The following LIFR variants were observed in gnomAD, a reference collection of about 807,000 sequenced individuals.
LIFR encodes LIF receptor subunit alpha.
LIFR carries 84 observed loss-of-function variants against 122.2 expected under a neutral mutation model. The ratio of observed to expected loss-of-function variants is 0.69; its 90% CI spans 0.58 to 0.82. The LOEUF (loss-of-function observed/expected upper bound fraction) is 0.82. Ranked by LOEUF, LIFR falls within the 40% of genes least tolerant of loss-of-function variation. The probability of loss-of-function intolerance (pLI) is 0.00; values close to 1 mark genes in which losing one functional copy is unlikely to be tolerated. For missense variants in LIFR, 1,294 were observed against 1,311.6 expected (o/e 0.99, Z 0.21); for synonymous variants, 422 against 434.7 (o/e 0.97, Z 0.36).
intron 1 of LIFR, among the ~76,000 whole-genome samples, chr5:38,571,428 G>T (rs1749204743): frequency 1.4e-5 from 2 of 148,080 alleles, no homozygotes. Flanking sequence ...CGTGGTGGGT[G>T]TCTGTAGTCC....
At chr5:38,583,561 G>C (rs1284430519) in intron 1 of LIFR, among the ~76,000 whole-genome samples, 1 of 152,182 alleles carries the variant, frequency 6.6e-6, no homozygotes, top group Admixed American at 6.5e-5. Flanking sequence ...TATCTGATAA[G>C]GGGTTAATAC....
intron 1 of LIFR, among the ~76,000 whole-genome samples, chr5:38,593,287 G>A (rs1156725724): frequency 6.6e-6 from 1 of 151,762 alleles, no homozygotes; most frequent in Admixed American, 6.6e-5. Flanking sequence ...GTATGAAACT[G>A]GGGGGGATGT....
chr5:38,486,956 A>G (rs545625687), intron 16 of LIFR, among the ~76,000 whole-genome samples: 1 of 152,262 alleles, frequency 6.6e-6, no homozygotes, highest in Admixed American at 6.5e-5. Context: ...TCCCATTGTT[A>G]TAACTGCTTT....
At chr5:38,549,667 C>T (rs1364305873) in intron 1 of LIFR, among the ~76,000 whole-genome samples, 2 of 152,036 alleles carry the variant, frequency 1.3e-5, no homozygotes, top group Non-Finnish European at 2.9e-5. Flanking sequence ...AGCGGGTGCC[C>T]ATAATCCCAG....
intron 7 of LIFR, 61 bp downstream of exon 7, chr5:38,510,403 G>T: frequency 2.7e-5 from 39 of 1,430,296 alleles, no homozygotes; most frequent in Non-Finnish European, 3.6e-5. Context: ...GAAGAATTAA[G>T]GCTTTCAAGG....
chr5:38,602,629 A>G (rs1418123421), intron 2 of LIFR, among the ~76,000 whole-genome samples: 1 of 152,176 alleles, frequency 6.6e-6, no homozygotes, highest in Non-Finnish European at 1.5e-5. Context: ...CTTCAAGGAC[A>G]GGGGCCTTAT....
At chr5:38,486,040 C>G (rs1744270992) in intron 16 of LIFR, 60 bp from the exon 17 acceptor site, 2 of 1,483,032 alleles carry the variant, frequency 1.3e-6, no homozygotes, top group Non-Finnish European at 1.9e-6. Flanking sequence ...TGCATGGTTA[C>G]CCACACCTGT....
intron 3 of LIFR, 105 bp downstream of exon 3, chr5:38,528,621 C>T: frequency 1.3e-6 from 1 of 775,296 alleles, no homozygotes; most frequent in East Asian, 2.7e-5. Context: ...ACACAGAACA[C>T]AAGCAGGAAA....
At chr5:38,552,268 A>C (rs1748245785) in intron 1 of LIFR, among the ~76,000 whole-genome samples, 1 of 152,256 alleles carries the variant, frequency 6.6e-6, no homozygotes, top group South Asian at 2.1e-4. Flanking sequence ...GGAGTCCAAA[A>C]GTCACAGGAG....
chr5:38,475,718 TA>T lies in LIFR; in HGVS notation c.*5876del, dbSNP rs1743694943. 2.1e-5 allele frequency: 4 copies of T among 188,062 alleles called. No homozygotes were observed. Among genetic ancestry groups the T allele is most frequent in the Non-Finnish European group, 4.5e-5 (4 of 89,116 alleles). The allele number at this position is 188,062 out of a possible 1,614,324, so 11.6% of individuals were successfully genotyped here. ...ATTCACTATAATGCAATTTTGAAAG[TA>T]AAAAAAGGTAATTTCCTAGTGTTAT... On this transcript the variant is annotated 3_prime_UTR_variant, in exon 20 of 20. Transcript: ENST00000453190.
intron 11 of LIFR, 125 bp downstream of exon 11, chr5:38,502,512 G>A: frequency 1.3e-6 from 1 of 766,676 alleles, no homozygotes; most frequent in Non-Finnish European, 2.3e-6. Context: ...GCCCACCTCG[G>A]CCTCCCAAAG....
chr5:38,499,787 A>G (rs1745081922), intron 11 of LIFR, among the ~76,000 whole-genome samples: 1 of 152,066 alleles, frequency 6.6e-6, no homozygotes, highest in Admixed American at 6.5e-5. Flanking sequence ...GTGAAAATCT[A>G]CCTGCAGGCC....
chr5:38,478,582 TAA>T lies in LIFR; in HGVS notation c.*3011_*3012del, dbSNP rs1216157959. On this transcript the variant is annotated 3_prime_UTR_variant, in exon 20 of 20. Coordinates refer to ENST00000453190, the MANE Select transcript of LIFR (RefSeq NM_001127671.2). Reference sequence around the variant, plus strand: ...GTTCATCTAATGTTAAAAGTCTAGCTAAGTCTTTAATAATTTAATATTAAATA... The same window carrying T: ...GTTCATCTAATGTTAAAAGTCTAGCTGTCTTTAATAATTTAATATTAAATA... 6 of 187,688 alleles carry T rather than the reference TAA, an allele frequency of 3.2e-5. No individual in the cohort carries two copies. Among genetic ancestry groups the T allele is most frequent in the African/African-American group, 1.2e-4 (5 of 42,756 alleles). 11.6% of individuals were successfully genotyped at this position (187,688 alleles called of 1,614,324 possible).
chr5:38,526,936 A>G (rs1411652948), intron 4 of LIFR, among the ~76,000 whole-genome samples: 1 of 152,138 alleles, frequency 6.6e-6, no homozygotes, highest in Non-Finnish European at 1.5e-5. Context: ...AAGAGTATGG[A>G]ACTGAGGGAA....
intron 1 of LIFR, among the ~76,000 whole-genome samples, chr5:38,567,496 G>GTATGTATTTATT (rs145746447): frequency 7.5e-6 from 1 of 132,882 alleles, no homozygotes; most frequent in Non-Finnish European, 1.6e-5. Context: ...TGACCATTCT[G>GTATGTATTTATT]TATTTATTTA....
intron 3 of LIFR, among the ~76,000 whole-genome samples, chr5:38,527,857 A>AT (rs1323506262): frequency 2.0e-5 from 3 of 152,122 alleles, no homozygotes; most frequent in Non-Finnish European, 4.4e-5. Context: ...GAGCATGCTT[A>AT]TATTCCTTAT....
At chr5:38,581,071 G>A (rs1401142780) in intron 1 of LIFR, among the ~76,000 whole-genome samples, 1 of 152,066 alleles carries the variant, frequency 6.6e-6, no homozygotes, top group Non-Finnish European at 1.5e-5. Flanking sequence ...TCTACCCCAG[G>A]GGGTGGTTGT....
intron 9 of LIFR, among the ~76,000 whole-genome samples, 164 bp downstream of exon 9, chr5:38,505,735 AAAACTT>A (rs1375170868): frequency 6.6e-6 from 1 of 152,182 alleles, no homozygotes; most frequent in African/African-American, 2.4e-5. Flanking sequence ...ATAAAATAGT[AAAACTT>A]GAAATTATAC....
chr5:38,524,732 T>C lies in LIFR; in HGVS notation c.398-1150A>G, dbSNP rs572491998. Among the ~76,000 whole-genome samples, 19 of 152,210 alleles carry C rather than the reference T, an allele frequency of 1.2e-4. No individual in the cohort carries two copies. In the East Asian group the frequency reaches 2.3e-3, roughly 19 times the overall value. ...AGACTTAAAAGGAACTGATTGAGTGTAGTGGTAGAAAAGAGCATGAACACA... is the reference window on the plus strand; with the variant it reads ...AGACTTAAAAGGAACTGATTGAGTGCAGTGGTAGAAAAGAGCATGAACACA... On this transcript the variant is annotated intron_variant, in intron 4 of 19. Transcript: ENST00000453190.
Sources: allele counts gnomAD v4.1 joint callset (sites outside exome capture counted in the v4.1 genomes callset), GRCh38; gene constraint gnomAD v4.1.1; transcripts MANE v1.5; gene names NCBI Gene and HGNC (gene_info 2026-07-23, HGNC 2026-07-21).